The following DGKH variants were observed in gnomAD, a reference collection of about 807,000 sequenced individuals.
DGKH encodes diacylglycerol kinase eta.
In DGKH, 90 loss-of-function variants were observed where a neutral mutation model predicts 159.3. The ratio of observed to expected loss-of-function variants is 0.57; its 90% CI spans 0.48 to 0.67. The LOEUF is 0.67. Ranked by LOEUF, DGKH falls within the 30% of genes least tolerant of loss-of-function variation. The pLI is 0.00. For synonymous variants in DGKH, 536 were observed against 553.8 expected (o/e 0.97, Z 0.45); for missense variants, 1,181 against 1,506.1 (o/e 0.78, Z 3.57).
At chr13:42,254,064 G>A (rs1352055449) in intron 30 of DGKH, among the ~76,000 whole-genome samples, 1 of 151,924 alleles carries the variant, frequency 6.6e-6, no homozygotes, top group Admixed American at 6.6e-5. Flanking sequence ...GTTTCTGGTG[G>A]GAGAGTATAT....
At chr13:42,249,115 T>C (rs1958602059) in intron 29 of DGKH, among the ~76,000 whole-genome samples, 2 of 152,186 alleles carry the variant, frequency 1.3e-5, no homozygotes, top group African/African-American at 4.8e-5. Context: ...GGCTCATGCC[T>C]GTAATCCCAG....
intron 2 of DGKH, 59 bp from the exon 3 acceptor site, chr13:42,129,493 T>C (rs764429092): frequency 2.4e-5 from 33 of 1,388,558 alleles, no homozygotes; most frequent in Non-Finnish European, 3.0e-5. Context: ...AAAAATGTAT[T>C]GAAGAGCATT....
chr13:42,192,637 T>C (rs1957109507), intron 16 of DGKH, among the ~76,000 whole-genome samples: 1 of 151,652 alleles, frequency 6.6e-6, no homozygotes, highest in South Asian at 2.1e-4. Flanking sequence ...TTTCTTCTTC[T>C]TCTTCCTTCT....
At chr13:42,109,536 A>G (rs1267651489) in intron 1 of DGKH, among the ~76,000 whole-genome samples, 1 of 152,232 alleles carries the variant, frequency 6.6e-6, no homozygotes, top group African/African-American at 2.4e-5. Context: ...ATAGAGAAAT[A>G]TAGAAAGATC....
In DGKH at chr13:42,127,591, T is replaced by C; in HGVS notation, c.303+18T>C. On this transcript the variant is annotated intron_variant, in intron 2 of 29. Coordinates refer to ENST00000337343, the MANE Select transcript of DGKH (RefSeq NM_178009.5). ...ACTCAAAGGTAACTCACGAGAATAC[T>C]AGTTTCAAGCAATTGAGGCTATGGA... 1.2e-6 allele frequency: 2 copies of C among 1,607,862 alleles called. No homozygotes were observed. The highest frequency in any genetic ancestry group is 1.7e-6 in the Non-Finnish European group (2 of 1,175,618).
intron 2 of DGKH, 51 bp from the exon 3 acceptor site, chr13:42,129,501 A>T (rs1955244078): frequency 6.8e-7 from 1 of 1,467,368 alleles, no homozygotes; most frequent in African/African-American, 1.4e-5. Context: ...ATTGAAGAGC[A>T]TTGAGTTAGG....
downstream of DGKH, among the ~76,000 whole-genome samples, chr13:42,245,870 A>G (rs911553732): frequency 1.1e-4 from 17 of 152,226 alleles, no homozygotes; most frequent in African/African-American, 4.1e-4. Flanking sequence ...GGTGTGAGCC[A>G]TCTACATCAT....
At position 42,235,945 on chromosome 13, in the gene DGKH, A is replaced by T. The variant is rs1958405408; in HGVS notation, c.*6757A>T. On this transcript the variant is annotated 3_prime_UTR_variant, in exon 30 of 30. Coordinates refer to ENST00000337343, the MANE Select transcript of DGKH (RefSeq NM_178009.5). ...ATTAAAATTTTTCTTATCTTTTTAT[A>T]TCAAAATAATTATGCTGGCTATTCA... The T allele has an allele frequency of 6.6e-6, 1 of 152,140 alleles. No homozygotes were observed. The highest frequency in any genetic ancestry group is 6.5e-5 in the Admixed American group (1 of 15,274). 9.4% of individuals were successfully genotyped at this position (152,140 alleles called of 1,614,324 possible).
At chr13:42,184,133 C>T (rs1170115) in intron 13 of DGKH, among the ~76,000 whole-genome samples, 141,487 of 152,248 alleles carry the variant, frequency 0.93, 66,079 homozygotes, top group Non-Finnish European at 0.97. Flanking sequence ...AGCACAAAGA[C>T]AGCTAGAGAC....
At chr13:42,068,917 T>C (rs1284316584) in intron 1 of DGKH, 2 of 1,251,238 alleles carry the variant, frequency 1.6e-6, no homozygotes, top group African/African-American at 3.0e-5. Context: ...CAAAGATAAA[T>C]GTCTGCTGAG....
chr13:42,073,621 C>CCTACTTTA (rs1855267787), intron 1 of DGKH, among the ~76,000 whole-genome samples: 1 of 152,116 alleles, frequency 6.6e-6, no homozygotes, highest in Admixed American at 6.5e-5. Flanking sequence ...CAAAGCTAAG[C>CCTACTTTA]CGTGATATTT....
upstream of DGKH, among the ~76,000 whole-genome samples, chr13:42,045,834 A>G (rs894182742): frequency 6.6e-6 from 1 of 152,252 alleles, no homozygotes; most frequent in Admixed American, 6.5e-5. Context: ...AAAGTTGCCA[A>G]TGGGTATAAA....
chr13:42,169,368 A>G (rs948493074), intron 11 of DGKH, among the ~76,000 whole-genome samples: 1 of 152,186 alleles, frequency 6.6e-6, no homozygotes, highest in Non-Finnish European at 1.5e-5. Context: ...TGAAGGGACT[A>G]TCATTGTGTT....
intron 13 of DGKH, among the ~76,000 whole-genome samples, chr13:42,182,514 C>T (rs1171341054): frequency 6.6e-6 from 1 of 152,120 alleles, no homozygotes; most frequent in African/African-American, 2.4e-5. Flanking sequence ...CTACACACAT[C>T]CTTCCACATA....
chr13:42,219,174 G>T (rs1403235002), intron 26 of DGKH, 56 bp from the exon 27 acceptor site: 1 of 1,604,550 alleles, frequency 6.2e-7, no homozygotes, highest in Non-Finnish European at 8.5e-7. Context: ...TTTATTCTAC[G>T]TGAGGCTGGC....
chr13:42,117,175 A>C (rs77749632), intron 1 of DGKH, among the ~76,000 whole-genome samples: 1 of 152,246 alleles, frequency 6.6e-6, no homozygotes, highest in Non-Finnish European at 1.5e-5. Context: ...CTTGCTTTTA[A>C]CAGATTCTTA....
chr13:42,226,475 T>C (rs1468200587), intron 29 of DGKH, among the ~76,000 whole-genome samples: 1 of 152,212 alleles, frequency 6.6e-6, no homozygotes, highest in East Asian at 1.9e-4. Flanking sequence ...TAAATCATTG[T>C]ATTATAAAGA....
chr13:42,240,074 C>T lies in DGKH; in HGVS notation c.*10886C>T, dbSNP rs1958488047. 6.6e-6 allele frequency: 1 copy of T among 152,318 alleles called. No homozygotes were observed. The highest frequency in any genetic ancestry group is 2.1e-4 in the South Asian group (1 of 4,828). The allele number at this position is 152,318 out of a possible 1,614,324, so 9.4% of individuals were successfully genotyped here. A position where few individuals can be genotyped will look rare whatever the true frequency, so the allele number is the denominator to read the frequency against. On this transcript the variant is annotated 3_prime_UTR_variant, in exon 30 of 30. Transcript: ENST00000337343. ...AACATTTCAATTACACACACACAAC[C>T]TGTCTCTTCCACTGAACTTCTCTCT...
At chr13:42,144,695 A>AG (rs1338993944) in intron 3 of DGKH, among the ~76,000 whole-genome samples, 2 of 151,888 alleles carry the variant, frequency 1.3e-5, no homozygotes, top group East Asian at 3.9e-4. Context: ...AAAAAAAAAA[A>AG]GAAAGAAAGA....
Sources: gnomAD v4.1 joint callset for allele counts (sites outside exome capture counted in the v4.1 genomes callset) on GRCh38, gnomAD v4.1.1 for gene constraint, MANE v1.5 for transcripts, NCBI Gene and HGNC (gene_info 2026-07-23, HGNC 2026-07-21) for gene names.